Variants in PSIP1 observed in about 807,000 individuals in gnomAD.
PSIP1 encodes PC4 and SRSF1 interacting protein 1.
A neutral mutation model predicts 74.7 loss-of-function variants in PSIP1; 19 were observed. That is an observed-to-expected ratio of 0.25 (90% CI 0.18 to 0.37). PSIP1 has a LOEUF of 0.37. Ranked by LOEUF, PSIP1 falls within the 10% of genes least tolerant of loss-of-function variation. The pLI is 1.00. For missense variants in PSIP1, 601 were observed against 614.3 expected (o/e 0.98, Z 0.23); for synonymous variants, 222 against 195.3 (o/e 1.14, Z -1.14).
chr9:15,486,703 A>T, intron 5 of PSIP1, 124 bp downstream of exon 5: 1 of 707,216 alleles, frequency 1.4e-6, no homozygotes, highest in Non-Finnish European at 2.4e-6. Flanking sequence ...TAAGCCTTAA[A>T]TATTTTCTAA....
Position 15,469,257 on chromosome 9 carries a change from A to T in PSIP1, c.1104+9T>A. 3.3e-6 allele frequency: 5 copies of T among 1,513,334 alleles called. No homozygotes were observed. Among genetic ancestry groups the T allele is most frequent in the Non-Finnish European group, 4.5e-6 (5 of 1,106,298 alleles). 93.7% of individuals were successfully genotyped at this position (1,513,334 alleles called of 1,614,324 possible). On this transcript the variant is annotated intron_variant, in intron 12 of 15. Transcript: ENST00000380733. Reference sequence around the variant, plus strand: ...AGTACTGAAGTATTAAATGAAGTTAAACACTTACAAGATTATCAATTTTGA... The same window carrying T: ...AGTACTGAAGTATTAAATGAAGTTATACACTTACAAGATTATCAATTTTGA...
intron 3 of PSIP1, among the ~76,000 whole-genome samples, chr9:15,501,932 C>A (rs911231204): frequency 6.6e-6 from 1 of 151,086 alleles, no homozygotes; most frequent in Non-Finnish European, 1.5e-5. Flanking sequence ...GGACCAGTAC[C>A]CGTCCGTGGC....
At chr9:15,495,088 A>G (rs909355369) in intron 3 of PSIP1, among the ~76,000 whole-genome samples, 7 of 152,184 alleles carry the variant, frequency 4.6e-5, no homozygotes, top group Non-Finnish European at 5.9e-5. Flanking sequence ...AAAGACAACT[A>G]AAGAAGTTGA....
intron 3 of PSIP1, among the ~76,000 whole-genome samples, chr9:15,503,079 C>A (rs986231903): frequency 6.6e-6 from 1 of 152,180 alleles, no homozygotes; most frequent in Non-Finnish European, 1.5e-5. Flanking sequence ...CTAAAAAGTT[C>A]AAACAGGCCA....
intron 8 of PSIP1, among the ~76,000 whole-genome samples, chr9:15,477,708 T>C (rs1049368727): frequency 2.0e-5 from 3 of 151,580 alleles, no homozygotes; most frequent in African/African-American, 7.3e-5. Context: ...AAGGGAAAAA[T>C]GCAAAAAACC....
At position 15,472,618 on chromosome 9, in the gene PSIP1, A is replaced by C; in HGVS notation, c.977+14T>G. 6.4e-7 allele frequency: 1 copy of C among 1,566,030 alleles called. No homozygotes were observed. Among genetic ancestry groups the C allele is most frequent in the Non-Finnish European group, 8.6e-7 (1 of 1,166,996 alleles). ...TAAAAAGAACCCAAAATTTAGAAAA[A>C]AAAAAATACTTACTGCTCAGTTTCC... is the stretch of plus-strand genomic sequence containing the variant. On this transcript the variant is annotated intron_variant, in intron 10 of 15. Transcript: ENST00000380733.
intron 6 of PSIP1, among the ~76,000 whole-genome samples, chr9:15,483,562 T>C (rs1445011275): frequency 6.6e-6 from 1 of 152,184 alleles, no homozygotes; most frequent in Admixed American, 6.5e-5. Context: ...TAAATATTTA[T>C]TTTTTGTCTA....
At chr9:15,469,850 A>C in intron 11 of PSIP1, 88 bp downstream of exon 11, 1 of 1,137,608 alleles carries the variant, frequency 8.8e-7, no homozygotes, top group Non-Finnish European at 1.3e-6. Context: ...GTATAAAATT[A>C]TTCCAAAACC....
intron 3 of PSIP1, among the ~76,000 whole-genome samples, chr9:15,493,313 G>T (rs575507493): frequency 1.7e-4 from 26 of 152,240 alleles, no homozygotes; most frequent in African/African-American, 6.0e-4. Flanking sequence ...TTCCCAACAC[G>T]CTCCTCATCT....
rs529231565 is a variant in PSIP1, at chr9:15,509,067, T to G, written c.72+1050A>C. Among the ~76,000 whole-genome samples, 6 of 152,332 alleles carry G rather than the reference T, an allele frequency of 3.9e-5. No individual in the cohort carries two copies. The South Asian group carries it at 1.2e-3, about 32-fold the overall frequency. On this transcript the variant is annotated intron_variant, in intron 2 of 15. Coordinates refer to ENST00000380733, the MANE Select transcript of PSIP1 (RefSeq NM_033222.5). ...ATCGTTTTACACTTGGATGGCACTC[T>G]CAGCTCCTAGACAGGACTCCGTTAT...
chr9:15,494,811 A>T (rs1245181537), intron 3 of PSIP1, among the ~76,000 whole-genome samples: 1 of 152,156 alleles, frequency 6.6e-6, no homozygotes, highest in African/African-American at 2.4e-5. Context: ...ATTTTACTAG[A>T]CATCATTAAT....
At chr9:15,507,746 G>A (rs984740379) in intron 2 of PSIP1, among the ~76,000 whole-genome samples, 4 of 152,140 alleles carry the variant, frequency 2.6e-5, no homozygotes, top group African/African-American at 9.7e-5. Flanking sequence ...TGTTAAGAAG[G>A]GGGTTGACCA....
Position 15,469,073 on chromosome 9 carries a change from A to G in PSIP1, c.1105-15T>C. On this transcript the variant is annotated splice_polypyrimidine_tract_variant and intron_variant, in intron 12 of 15. Transcript: ENST00000380733. The stretch of plus-strand genomic sequence containing the variant: ...CTGTTCACATCCTTCATGACAAAAC[A>G]GTAATTTCATAGCTGTTAATTATCT... The G allele has an allele frequency of 6.2e-7, 1 of 1,604,542 alleles. No individual in the cohort carries two copies. The highest frequency in any genetic ancestry group is 8.5e-7 in the Non-Finnish European group (1 of 1,173,944).
chr9:15,503,258 T>C (rs1019441246), intron 3 of PSIP1, among the ~76,000 whole-genome samples: 28 of 151,694 alleles, frequency 1.8e-4, no homozygotes, highest in Non-Finnish European at 3.7e-4. Flanking sequence ...TCCTGACTAG[T>C]TGGGAGGCTG....
At chr9:15,479,485 C>T in intron 7 of PSIP1, 106 bp downstream of exon 7, 3 of 720,588 alleles carry the variant, frequency 4.2e-6, no homozygotes, top group Non-Finnish European at 6.8e-6. Flanking sequence ...TACACATAAT[C>T]AATTGCCTAT....
At chr9:15,472,552 G>T (rs2035884395) in intron 10 of PSIP1, 80 bp downstream of exon 10, 2 of 1,505,706 alleles carry the variant, frequency 1.3e-6, no homozygotes, top group East Asian at 2.4e-5. Flanking sequence ...ATAAAGTCTG[G>T]AAAATGAAAG....
Position 15,465,441 on chromosome 9 carries a change from T to A in PSIP1, c.*79A>T. On this transcript the variant is annotated 3_prime_UTR_variant, in exon 16 of 16. Coordinates refer to ENST00000380733, the MANE Select transcript of PSIP1 (RefSeq NM_033222.5). Reference sequence around the variant, plus strand: ...ACATCAAACCTATGCTTATAAAAATTTAAAACTTTCAGCAGTCTATTTCAA... The same window carrying A: ...ACATCAAACCTATGCTTATAAAAATATAAAACTTTCAGCAGTCTATTTCAA... 1.6e-6 allele frequency: 2 copies of A among 1,284,024 alleles called. No individual in the cohort carries two copies. The highest frequency in any genetic ancestry group is 2.2e-6 in the Non-Finnish European group (2 of 913,550). 79.5% of individuals were successfully genotyped at this position (1,284,024 alleles called of 1,614,324 possible). A position where few individuals can be genotyped will look rare whatever the true frequency, so the allele number is the denominator to read the frequency against.
chr9:15,472,483 T>A lies in PSIP1; in HGVS notation c.977+149A>T. ...GAGAATGAAGCCTGAAATAAGATCA[T>A]CATCATATATTGAAGATTTTTCTAA... On this transcript the variant is annotated intron_variant, in intron 10 of 15. Transcript: ENST00000380733. 3 of 1,409,556 alleles carry A rather than the reference T, an allele frequency of 2.1e-6. No individual in the cohort carries two copies. The South Asian group carries it at 5.0e-5, about 24-fold the overall frequency. 87.3% of individuals were successfully genotyped at this position (1,409,556 alleles called of 1,614,324 possible).
In PSIP1 at chr9:15,464,511, A is replaced by C; in HGVS notation, c.*1009T>G. Reference sequence around the variant, plus strand: ...CAATGTACAGACTTATCAAAGTACAATGCTGGAACAACTAGTGTTTGTATT... The same window carrying C: ...CAATGTACAGACTTATCAAAGTACACTGCTGGAACAACTAGTGTTTGTATT... On this transcript the variant is annotated 3_prime_UTR_variant, in exon 16 of 16. Transcript: ENST00000380733. 1 of 200,768 alleles carries C rather than the reference A, an allele frequency of 5.0e-6. No homozygotes were observed. Among genetic ancestry groups the C allele is most frequent in the Non-Finnish European group, 1.0e-5 (1 of 97,592 alleles). The allele number at this position is 200,768 out of a possible 1,614,324, so 12.4% of individuals were successfully genotyped here.
Sources: gnomAD v4.1 joint callset for allele counts (sites outside exome capture counted in the v4.1 genomes callset) on GRCh38, gnomAD v4.1.1 for gene constraint, MANE v1.5 for transcripts, NCBI Gene and HGNC (gene_info 2026-07-23, HGNC 2026-07-21) for gene names.